CDC25B: variants seen among roughly 807,000 people sequenced by gnomAD.
CDC25B encodes the protein cell division cycle 25B.
CDC25B carries 33 observed loss-of-function variants against 69.8 expected under a neutral mutation model. That is an observed-to-expected ratio of 0.47 (90% CI 0.36 to 0.63). The LOEUF (loss-of-function observed/expected upper bound fraction) is 0.63. CDC25B is among the 30% of genes least tolerant of loss of function. CDC25B has a pLI of 0.00. For missense variants in CDC25B, 727 were observed against 809.1 expected (o/e 0.90, Z 1.23); for synonymous variants, 341 against 314.6 (o/e 1.08, Z -0.89).
intron 1 of CDC25B, among the ~76,000 whole-genome samples, chr20:3,797,401 G>C (rs1196098859): frequency 6.6e-6 from 1 of 152,228 alleles, no homozygotes; most frequent in Non-Finnish European, 1.5e-5. Flanking sequence ...CTGCTCCTGA[G>C]AGGACCTTTC....
At chr20:3,798,577 G>T in intron 3 of CDC25B, 114 bp downstream of exon 3, 1 of 722,962 alleles carries the variant, frequency 1.4e-6, no homozygotes. Context: ...CCATGGGGTG[G>T]CTTCAGGATC....
upstream of CDC25B, among the ~76,000 whole-genome samples, chr20:3,794,146 T>C (rs568559684): frequency 1.3e-5 from 2 of 150,790 alleles, no homozygotes; most frequent in Non-Finnish European, 2.9e-5. Flanking sequence ...ATGGTATTTC[T>C]AGTTCTAGAT....
chr20:3,804,196 C>T (rs1301634260), intron 14 of CDC25B, among the ~76,000 whole-genome samples: 1 of 152,226 alleles, frequency 6.6e-6, no homozygotes, highest in Non-Finnish European at 1.5e-5. Context: ...CCTCCTCCTC[C>T]CTTCTCCCCA....
At chr20:3,800,646 G>A in intron 5 of CDC25B, 97 bp from the exon 6 acceptor site, 3 of 1,591,304 alleles carry the variant, frequency 1.9e-6, no homozygotes, top group Non-Finnish European at 1.7e-6. Context: ...AGGTAAGTGG[G>A]AGGAGCTGGA....
chr20:3,799,531 C>T (rs1403150421), intron 3 of CDC25B, among the ~76,000 whole-genome samples: 3 of 145,746 alleles, frequency 2.1e-5, no homozygotes, highest in Admixed American at 6.8e-5. Context: ...TGTGTGCGCG[C>T]GCGCGCGTAG....
chr20:3,800,912 G>A, intron 6 of CDC25B, 47 bp downstream of exon 6: 9 of 1,612,140 alleles, frequency 5.6e-6, no homozygotes, highest in Non-Finnish European at 7.6e-6. Context: ...GAAGAGGAGG[G>A]GGCATGCTGG....
Position 3,802,280 on chromosome 20 carries a change from G to T in CDC25B, c.1099-1G>T. 6.2e-7 allele frequency: 1 copy of T among 1,610,970 alleles called. No homozygotes were observed. ...TGGCCTCCATCTGACTCACTTTCCA[G>T]AAAGCCCGCGTCCTCCGCTCAAAAT... On this transcript the variant is annotated splice_acceptor_variant, in intron 10 of 15. Coordinates refer to ENST00000245960, the MANE Select transcript of CDC25B (RefSeq NM_021873.4). LOFTEE classifies it high-confidence loss of function.
upstream of CDC25B, among the ~76,000 whole-genome samples, chr20:3,793,550 T>G (rs1376010329): frequency 2.1e-5 from 3 of 142,328 alleles, no homozygotes; most frequent in Admixed American, 6.9e-5. Context: ...GGATTTCTGT[T>G]TTTTTTTTTT....
In CDC25B at chr20:3,801,091, A is replaced by G. The variant is rs1275572437; in HGVS notation, c.703A>G (p.Met235Val). The G allele has an allele frequency of 3.1e-6, 5 of 1,613,962 alleles. No individual in the cohort carries two copies. The highest frequency in any genetic ancestry group is 4.2e-6 in the Non-Finnish European group (5 of 1,179,912). Residue 235 changes from methionine to valine, a missense_variant and splice_region_variant, in exon 7 of 16, where the codon ATG becomes GTG. Coordinates refer to ENST00000245960, the MANE Select transcript of CDC25B (RefSeq NM_021873.4). ...GAGACCCAGCTCGGCCCCCGACCTG[A>G]TGGTACATCCAGAGAGCGGATCCCT... ...AQRPSSAPDL[M>V]CLSPDRKMEV...
Position 3,803,404 on chromosome 20 carries a change from A to C in CDC25B, c.1357A>C (p.Thr453Pro). 6.2e-7 allele frequency: 1 copy of C among 1,614,040 alleles called. No homozygotes were observed. Among genetic ancestry groups the C allele is most frequent in the Non-Finnish European group, 8.5e-7 (1 of 1,179,976 alleles). Reference protein sequence around the residue: ...PYEYEGGHIKTAVNLPLERDA... With the variant: ...PYEYEGGHIKPAVNLPLERDA... Reference sequence around the variant, plus strand: ...GCCTGACCTCTGGCTCCTCTGACAGACTGCGGTGAACTTGCCCCTGGAACG... The same window carrying C: ...GCCTGACCTCTGGCTCCTCTGACAGCCTGCGGTGAACTTGCCCCTGGAACG... Residue 453 changes from threonine to proline, a missense_variant and splice_region_variant, in exon 14 of 16, where the codon ACT (threonine) becomes CCT (proline). Thr to Pro is a conservative substitution (Grantham distance 38). Transcript: ENST00000245960. The surrounding 1 kb of genome is among the most constrained non-coding windows in gnomAD (Gnocchi z 4.9).
At position 3,796,423 on chromosome 20, in the gene CDC25B, C is replaced by CCT; in HGVS notation, c.-108_-107insTC. 3 of 173,172 alleles carry CCT rather than the reference C, an allele frequency of 1.7e-5. No individual in the cohort carries two copies. In the South Asian group the frequency reaches 2.6e-4, roughly 15 times the overall value. The allele number at this position is 173,172 out of a possible 1,614,324, so 10.7% of individuals were successfully genotyped here. On this transcript the variant is annotated 5_prime_UTR_variant, in exon 1 of 16. Coordinates refer to ENST00000245960, the MANE Select transcript of CDC25B (RefSeq NM_021873.4). ...GCTCTTCCTCCCTCCCTCCTTCCCC[C>CCT]CCCCCCCACCCCTCGCCCGCTGCCT...
intron 3 of CDC25B, among the ~76,000 whole-genome samples, chr20:3,799,527 C>CGCGT (rs1555774255): frequency 5.1e-4 from 17 of 33,044 alleles, no homozygotes; most frequent in African/African-American, 1.4e-3. Flanking sequence ...TGTGTGTGTG[C>CGCGT]GCGCGCGCGC....
At chr20:3,794,972 G>C (rs1007015060), upstream of CDC25B, among the ~76,000 whole-genome samples, 1 of 152,186 alleles carries the variant, frequency 6.6e-6, no homozygotes, top group South Asian at 2.1e-4. Flanking sequence ...GACAGGATGC[G>C]AAAGCTGCTC....
chr20:3,796,608 CG>C lies in CDC25B; in HGVS notation c.80del (p.Gly27AlafsTer48). 1 of 1,441,098 alleles carries C rather than the reference CG, an allele frequency of 6.9e-7. No homozygotes were observed. Among genetic ancestry groups the C allele is most frequent in the Non-Finnish European group, 9.1e-7 (1 of 1,101,600 alleles). The allele number at this position is 1,441,098 out of a possible 1,614,324, so 89.3% of individuals were successfully genotyped here. ...PAGVCGGAQR[P>X]GHLPGLLLGS... ...GGCGTGTGCGGTGGCGCCCAGCGTC[CG>C]GGCCACCTCCCGGGCCTCCTGCTGG... is the stretch of plus-strand genomic sequence containing the variant. On this transcript the variant is annotated frameshift_variant, in exon 1 of 16. Coordinates refer to ENST00000245960, the MANE Select transcript of CDC25B (RefSeq NM_021873.4). LOFTEE classifies it high-confidence loss of function.
intron 1 of CDC25B, among the ~76,000 whole-genome samples, chr20:3,788,274 G>A (rs963100288): frequency 2.0e-5 from 3 of 152,196 alleles, no homozygotes; most frequent in Non-Finnish European, 2.9e-5. Flanking sequence ...CTGTTTTAGT[G>A]CAAATTTCTG....
chr20:3,797,727 A>G lies in CDC25B; in HGVS notation c.306A>G (p.Glu102=), dbSNP rs2089115185. 1.9e-6 allele frequency: 3 copies of G among 1,613,962 alleles called. No homozygotes were observed. The highest frequency in any genetic ancestry group is 2.2e-5 in the East Asian group (1 of 44,878). ...RRASESSLSS[E]SSESSDAGLC... ...CATCCGAATCCTCCCTGTCGTCTGA[A>G]TCCTCCGAATCTTCTGATGCAGGTG... Residue 102 remains glutamate (E), a synonymous_variant, in exon 2 of 16, where the codon GAA becomes GAG. Coordinates refer to ENST00000245960, the MANE Select transcript of CDC25B (RefSeq NM_021873.4).
In CDC25B at chr20:3,803,318, CCTA is replaced by C. The variant is rs1171509086; in HGVS notation, c.1357-82_1357-80del. 7 of 1,597,492 alleles carry C rather than the reference CCTA, an allele frequency of 4.4e-6. No individual in the cohort carries two copies. In the South Asian group the frequency reaches 7.8e-5, roughly 18 times the overall value. On this transcript the variant is annotated intron_variant, in intron 13 of 15. Transcript: ENST00000245960. The surrounding 1 kb of genome is among the most constrained non-coding windows in gnomAD (Gnocchi z 4.9). ...GGTGCCCCCTCTCATGGGGAGGGTT[CCTA>C]CTAAGAGAAGGACAGCGACTGCACG...
chr20:3,803,648 C>G lies in CDC25B; in HGVS notation c.1490+111C>G, dbSNP rs2089370992. The G allele has an allele frequency of 1.4e-5, 19 of 1,360,436 alleles. No homozygotes were observed. Among genetic ancestry groups the G allele is most frequent in the Non-Finnish European group, 1.9e-5 (19 of 980,080 alleles). 84.3% of individuals were successfully genotyped at this position (1,360,436 alleles called of 1,614,324 possible). On this transcript the variant is annotated intron_variant, in intron 14 of 15. Transcript: ENST00000245960. This position sits in a 1 kb window ranked among gnomAD's most constrained non-coding sequence, Gnocchi z 4.9. ...CAGGGGTGCAAGTCCAGGTCCTCCT[C>G]TGTCCCATCTGATGGCCTAGAGCTG...
At chr20:3,800,634 G>C (rs1184296158) in intron 5 of CDC25B, 109 bp from the exon 6 acceptor site, 3 of 1,588,882 alleles carry the variant, frequency 1.9e-6, no homozygotes, top group Non-Finnish European at 2.6e-6. Context: ...TCAGAGGTAG[G>C]TAGGTAAGTG....
Sources: allele counts gnomAD v4.1 joint callset (sites outside exome capture counted in the v4.1 genomes callset), GRCh38; gene constraint gnomAD v4.1.1; non-coding constraint Gnocchi (gnomAD v3.1); transcripts MANE v1.5; gene names NCBI Gene and HGNC (gene_info 2026-07-23, HGNC 2026-07-21).